Variants in MYBL2 observed in about 807,000 individuals in gnomAD.
MYBL2 encodes the protein myb-related protein B.
MYBL2 carries 28 observed loss-of-function variants against 79.9 expected under a neutral mutation model. The ratio of observed to expected loss-of-function variants is 0.35; its 90% CI spans 0.26 to 0.48. MYBL2 has a LOEUF of 0.48. MYBL2 is among the 20% of genes least tolerant of loss of function. MYBL2 has a pLI of 0.99. For synonymous variants in MYBL2, 378 were observed against 361.2 expected (o/e 1.05, Z -0.53); for missense variants, 735 against 893.9 (o/e 0.82, Z 2.27).
intron 1 of MYBL2, among the ~76,000 whole-genome samples, chr20:43,667,641 G>T (rs553565961): frequency 6.6e-6 from 1 of 152,302 alleles, no homozygotes; most frequent in South Asian, 2.1e-4. Flanking sequence ...GTGTCAGCTG[G>T]CAGGGCCTTC....
chr20:43,667,816 C>A (rs1032952210), intron 1 of MYBL2, among the ~76,000 whole-genome samples: 2 of 152,126 alleles, frequency 1.3e-5, no homozygotes, highest in Non-Finnish European at 2.9e-5. Context: ...CAAGCCCTCT[C>A]CCCTGGACTG....
At chr20:43,683,123 G>T (rs1300281488) in intron 4 of MYBL2, among the ~76,000 whole-genome samples, 1 of 152,134 alleles carries the variant, frequency 6.6e-6, no homozygotes, top group Non-Finnish European at 1.5e-5. Context: ...CTGATTACTC[G>T]GCTTCTCTTG....
chr20:43,711,041 AG>A (rs2145735003), intron 10 of MYBL2, among the ~76,000 whole-genome samples: 1 of 152,168 alleles, frequency 6.6e-6, no homozygotes, highest in East Asian at 1.9e-4. Flanking sequence ...GAAGCTGGAG[AG>A]GTCCTTGGAA....
intron 2 of MYBL2, 145 bp from the exon 3 acceptor site, chr20:43,681,639 C>T: frequency 1.3e-6 from 1 of 774,316 alleles, no homozygotes; most frequent in Non-Finnish European, 2.2e-6. Flanking sequence ...GCTGCTGCAG[C>T]TGTAGTGCCT....
At chr20:43,682,598 C>T (rs112745790) in intron 3 of MYBL2, among the ~76,000 whole-genome samples, 196 bp from the exon 4 acceptor site, 6 of 152,292 alleles carry the variant, frequency 3.9e-5, no homozygotes, top group East Asian at 3.9e-4. Flanking sequence ...TTTGCCCTCT[C>T]GTGTAGCAAA....
chr20:43,670,224 G>C (rs538780345), intron 1 of MYBL2, among the ~76,000 whole-genome samples: 1 of 152,356 alleles, frequency 6.6e-6, no homozygotes, highest in African/African-American at 2.4e-5. Context: ...CTTTGTGCTG[G>C]ATGCTGGAGA....
At chr20:43,688,508 G>T (rs1270743593) in intron 5 of MYBL2, among the ~76,000 whole-genome samples, 1 of 151,470 alleles carries the variant, frequency 6.6e-6, no homozygotes, top group Non-Finnish European at 1.5e-5. Flanking sequence ...TTAAAACAGG[G>T]TTCTCACTCT....
intron 2 of MYBL2, among the ~76,000 whole-genome samples, chr20:43,679,961 C>T (rs1212919712): frequency 3.3e-5 from 5 of 151,294 alleles, no homozygotes; most frequent in Non-Finnish European, 7.4e-5. Context: ...CATGAATTCA[C>T]TCTCCTCCCA....
intron 1 of MYBL2, among the ~76,000 whole-genome samples, chr20:43,668,737 G>C (rs1271564083): frequency 6.7e-6 from 1 of 149,100 alleles, no homozygotes; most frequent in Admixed American, 6.7e-5. Context: ...GTCCAGGCCG[G>C]AGTGCTGTGG....
rs147730107 is a variant in MYBL2 at position 43,681,555 on chromosome 20, A to C, written c.115-229A>C. On this transcript the variant is annotated intron_variant, in intron 2 of 13. Transcript: ENST00000217026. ...ATATCTCCCAGCAGGGGGTGGCTTT[A>C]CTTTTGTTCCTGTGAGCCTTCCATT... Among the ~76,000 whole-genome samples the C allele has an allele frequency of 1.8e-3, 280 of 152,154 alleles. 1 individual carries two copies. Among genetic ancestry groups the C allele is most frequent in the Middle Eastern group, 0.014 (4 of 294 alleles).
intron 7 of MYBL2, 42 bp downstream of exon 7, chr20:43,700,086 C>A (rs1287734457): frequency 2.5e-6 from 4 of 1,592,352 alleles, no homozygotes; most frequent in Non-Finnish European, 3.4e-6. Context: ...CAGAACACCC[C>A]CAGCAGGAAG....
rs571444152 is a variant in MYBL2, at chr20:43,709,532, TGCTG to T, written c.1506-428_1506-425del. 8.1e-4 allele frequency among the ~76,000 whole-genome samples: 124 copies of T among 152,298 alleles called. 2 individuals are homozygous for T. Among genetic ancestry groups the T allele is most frequent in the African/African-American group, 2.7e-3 (113 of 41,572 alleles). ...TGAACTCTTGGGAGACCTGGGAAGA[TGCTG>T]GCCTCACCTCTCGCCCCTCCTTTCC... is the stretch of plus-strand genomic sequence containing the variant. On this transcript the variant is annotated intron_variant, in intron 9 of 13. Coordinates refer to ENST00000217026, the MANE Select transcript of MYBL2 (RefSeq NM_002466.4).
At chr20:43,681,281 C>G (rs1293777736) in intron 2 of MYBL2, among the ~76,000 whole-genome samples, 1 of 152,132 alleles carries the variant, frequency 6.6e-6, no homozygotes, top group Non-Finnish European at 1.5e-5. Context: ...CCTTTCCCAC[C>G]CTGTAGCAGG....
chr20:43,675,755 G>A (rs1260019674), intron 2 of MYBL2, among the ~76,000 whole-genome samples: 1 of 98,798 alleles, frequency 1.0e-5, no homozygotes, highest in Non-Finnish European at 2.1e-5. Flanking sequence ...TTTCTTTTTG[G>A]GGGCTTTGTG....
At chr20:43,669,395 A>G (rs1986807291) in intron 1 of MYBL2, among the ~76,000 whole-genome samples, 1 of 152,210 alleles carries the variant, frequency 6.6e-6, no homozygotes, top group African/African-American at 2.4e-5. Context: ...TGAGGGGCTC[A>G]GTGGAGGAAC....
chr20:43,687,767 G>A (rs1412995833), intron 5 of MYBL2, among the ~76,000 whole-genome samples: 6 of 152,052 alleles, frequency 3.9e-5, no homozygotes, highest in African/African-American at 7.2e-5. Flanking sequence ...TGTAATCCTA[G>A]CACGTTGGGT....
Position 43,716,239 on chromosome 20 carries a change from C to G in MYBL2, c.*152C>G. On this transcript the variant is annotated 3_prime_UTR_variant, in exon 14 of 14. Transcript: ENST00000217026. Reference sequence around the variant, plus strand: ...GACTCTCAGGTGGAGGCAACAGGGCCATGTGCTGCCCTGTTGCCGAGCCCA... The same window carrying G: ...GACTCTCAGGTGGAGGCAACAGGGCGATGTGCTGCCCTGTTGCCGAGCCCA... 1 of 1,174,454 alleles carries G rather than the reference C, an allele frequency of 8.5e-7. No homozygotes were observed. Among genetic ancestry groups the G allele is most frequent in the Non-Finnish European group, 1.2e-6 (1 of 852,636 alleles). The allele number at this position is 1,174,454 out of a possible 1,614,324, so 72.8% of individuals were successfully genotyped here.
chr20:43,682,911 A>G (rs201454685), intron 4 of MYBL2, 25 bp downstream of exon 4: 25 of 1,600,530 alleles, frequency 1.6e-5, no homozygotes, highest in Middle Eastern at 3.3e-4. Context: ...AGTGCCTTGC[A>G]CACAGTGGGT....
Position 43,692,213 on chromosome 20 carries a change from C to T in MYBL2, c.557C>T (p.Thr186Ile), listed in dbSNP as rs779855356. The T allele has an allele frequency of 6.2e-7, 1 of 1,614,036 alleles. No individual in the cohort carries two copies. Among genetic ancestry groups the T allele is most frequent in the Non-Finnish European group, 8.5e-7 (1 of 1,180,048 alleles). The part of the protein sequence containing the change: ...WNSTIKRKVD[T>I]GGFLSESKDC... The stretch of plus-strand genomic sequence containing the variant: ...TCTACCATCAAAAGGAAGGTGGACA[C>T]AGGAGGCTTCTTGAGCGAGTCCAAA... Residue 186 changes from threonine (T) to isoleucine (I), a missense_variant, in exon 6 of 14, where the codon ACA becomes ATA. Thr to Ile is a moderately conservative substitution (Grantham distance 89). Transcript: ENST00000217026.
Sources: gnomAD v4.1 joint callset for allele counts (sites outside exome capture counted in the v4.1 genomes callset) on GRCh38, gnomAD v4.1.1 for gene constraint, MANE v1.5 for transcripts, NCBI Gene and HGNC (gene_info 2026-07-23, HGNC 2026-07-21) for gene names.